ARMC3: variants seen among roughly 807,000 people sequenced by gnomAD.
ARMC3 encodes armadillo repeat containing 3.
A neutral mutation model predicts 90.3 loss-of-function variants in ARMC3; 74 were observed. The ratio of observed to expected loss-of-function variants is 0.82; its 90% CI spans 0.68 to 0.99. The LOEUF (loss-of-function observed/expected upper bound fraction) is 0.99. Ranked by LOEUF, ARMC3 falls within the 50% of genes least tolerant of loss-of-function variation. ARMC3 has a pLI of 0.00. For missense variants in ARMC3, 958 were observed against 1,042.8 expected (o/e 0.92, Z 1.12); for synonymous variants, 334 against 361.8 (o/e 0.92, Z 0.87).
intron 14 of ARMC3, 55 bp from the exon 15 acceptor site, chr10:23,008,221 A>T: frequency 1.1e-6 from 1 of 918,734 alleles, no homozygotes; most frequent in Non-Finnish European, 1.6e-6. Context: ...GAATAAAACC[A>T]TCTGTTGACA....
intron 11 of ARMC3, 137 bp downstream of exon 11, chr10:22,998,534 T>C (rs1837122574): frequency 8.5e-7 from 1 of 1,173,758 alleles, no homozygotes; most frequent in Non-Finnish European, 1.2e-6. Context: ...GGAAAACGAA[T>C]TGGCATTGTC....
intron 3 of ARMC3, among the ~76,000 whole-genome samples, chr10:22,952,793 T>G (rs12251470): frequency 0.032 from 4,931 of 152,248 alleles, 260 homozygotes; most frequent in African/African-American, 0.11. Context: ...GTTAGCAAAT[T>G]AAATTCAACA....
At chr10:22,985,900 C>A (rs186489992) in intron 10 of ARMC3, among the ~76,000 whole-genome samples, 1 of 152,288 alleles carries the variant, frequency 6.6e-6, no homozygotes, top group East Asian at 1.9e-4. Flanking sequence ...CTCTCCCTCA[C>A]CCCGTTTACA....
At chr10:22,995,169 T>C (rs1438373038) in intron 10 of ARMC3, among the ~76,000 whole-genome samples, 1 of 152,124 alleles carries the variant, frequency 6.6e-6, no homozygotes, top group Non-Finnish European at 1.5e-5. Flanking sequence ...CAGGGAAAAA[T>C]ACAACAGAAT....
Position 22,946,262 on chromosome 10 carries a change from G to A in ARMC3, c.166+1G>A. On this transcript the variant is annotated splice_donor_variant, in intron 3 of 18. Transcript: ENST00000298032. LOFTEE classifies it high-confidence loss of function. ...GCCATTTATAAATTTGCTTTAAAAG[G>A]TTTGGATTTTTTTCAGTTTATCTTT... is the stretch of plus-strand genomic sequence containing the variant. 6.3e-7 allele frequency: 1 copy of A among 1,575,620 alleles called. No individual in the cohort carries two copies. Among genetic ancestry groups the A allele is most frequent in the Non-Finnish European group, 8.7e-7 (1 of 1,150,864 alleles).
At chr10:22,946,038 T>C in intron 2 of ARMC3, 106 bp from the exon 3 acceptor site, 2 of 774,142 alleles carry the variant, frequency 2.6e-6, no homozygotes, top group East Asian at 5.3e-5. Flanking sequence ...AGTGACCACA[T>C]CCTTTTTGCA....
chr10:22,937,228 G>A (rs1268282331), intron 2 of ARMC3, among the ~76,000 whole-genome samples: 3 of 152,026 alleles, frequency 2.0e-5, no homozygotes, highest in African/African-American at 4.8e-5. Flanking sequence ...AATTATTATA[G>A]ATTCACACTT....
chr10:22,998,160 A>T lies in ARMC3; in HGVS notation c.1188A>T (p.Glu396Asp). The T allele has an allele frequency of 6.2e-7, 1 of 1,613,930 alleles. No homozygotes were observed. The highest frequency in any genetic ancestry group is 8.5e-7 in the Non-Finnish European group (1 of 1,179,934). ...CNPANANAAAEADGIDPLINL... is the reference protein window; with the variant it reads ...CNPANANAAADADGIDPLINL... ...TTCATTTACTCAGCGCTGCTGCTGA[A>T]GCTGATGGTATTGATCCATTAATAA... is the stretch of plus-strand genomic sequence containing the variant. The change falls in exon 11 of 19, where the codon GAA becomes GAT. Residue 396 changes from glutamate to aspartate, a missense_variant. Physicochemically the swap from Glu to Asp is conservative, Grantham distance 45. Transcript: ENST00000298032.
At chr10:22,980,147 GA>G (rs1312435379) in intron 8 of ARMC3, among the ~76,000 whole-genome samples, 2 of 152,062 alleles carry the variant, frequency 1.3e-5, no homozygotes, top group Non-Finnish European at 2.9e-5. Flanking sequence ...TATAAGTAAT[GA>G]ATGAGTTCCA....
intron 13 of ARMC3, 147 bp downstream of exon 13, chr10:23,003,561 CT>C: frequency 1.3e-6 from 1 of 741,946 alleles, no homozygotes; most frequent in Non-Finnish European, 2.0e-6. Flanking sequence ...TCATTCTTAA[CT>C]TTAGTTATAA....
intron 16 of ARMC3, among the ~76,000 whole-genome samples, chr10:23,028,920 T>C (rs892219852): frequency 6.6e-6 from 1 of 152,220 alleles, no homozygotes; most frequent in African/African-American, 2.4e-5. Context: ...TTTTTCTGAT[T>C]CTTTGGGGAC....
intron 16 of ARMC3, chr10:23,014,568 C>T (rs774251514): frequency 8.8e-5 from 77 of 870,438 alleles, no homozygotes; most frequent in East Asian, 1.1e-4. Context: ...CATCAATGAT[C>T]GACTGGATAA....
rs12260043 is a variant in ARMC3 at position 23,037,866 on chromosome 10, T to C, written c.*387T>C. On this transcript the variant is annotated 3_prime_UTR_variant, in exon 19 of 19. Coordinates refer to ENST00000298032, the MANE Select transcript of ARMC3 (RefSeq NM_173081.5). ...TTTCATGCCCAGAATGCTTCAGGCA[T>C]GCTCAGTTAAGCAAACTAAGTGAAT... 0.039 allele frequency: 6,345 copies of C among 162,634 alleles called. 428 individuals are homozygous for C. The highest frequency in any genetic ancestry group is 0.14 in the African/African-American group (6,073 of 41,990). The allele number at this position is 162,634 out of a possible 1,614,324, so 10.1% of individuals were successfully genotyped here.
At chr10:22,959,170 A>G in intron 5 of ARMC3, 32 bp downstream of exon 5, 1 of 1,567,396 alleles carries the variant, frequency 6.4e-7, no homozygotes, top group Non-Finnish European at 8.8e-7. Flanking sequence ...GTTTTAAAAA[A>G]TGGAACTGGT....
rs202133072 is a variant in ARMC3, at chr10:23,008,940, G to A, written c.2045+9G>A. The A allele has an allele frequency of 1.9e-6, 3 of 1,608,918 alleles. No individual in the cohort carries two copies. The highest frequency in any genetic ancestry group is 1.3e-5 in the African/African-American group (1 of 74,930). ...AAAGAAAAAGGATGGAGGTAAGAAA[G>A]TGTCCTGAGTTCCTCATTACCCAGC... is the stretch of plus-strand genomic sequence containing the variant. On this transcript the variant is annotated intron_variant, in intron 16 of 18. Transcript: ENST00000298032.
intron 7 of ARMC3, among the ~76,000 whole-genome samples, chr10:22,966,577 T>C (rs1348895717): frequency 6.6e-6 from 1 of 152,218 alleles, no homozygotes; most frequent in Non-Finnish European, 1.5e-5. Flanking sequence ...GCATGTATAT[T>C]GTACATGTGC....
intron 16 of ARMC3, among the ~76,000 whole-genome samples, chr10:23,022,230 T>C (rs181782835): frequency 6.6e-6 from 1 of 152,346 alleles, no homozygotes; most frequent in Admixed American, 6.5e-5. Context: ...ATGTGAGGCT[T>C]ATGTGGAAAT....
At chr10:23,009,522 C>T (rs1037452660) in intron 16 of ARMC3, among the ~76,000 whole-genome samples, 1 of 152,108 alleles carries the variant, frequency 6.6e-6, no homozygotes, top group Non-Finnish European at 1.5e-5. Flanking sequence ...GGCAGAGTCT[C>T]GCTCTGTCGC....
chr10:22,941,305 A>C (rs1834320510), intron 2 of ARMC3, among the ~76,000 whole-genome samples: 1 of 152,196 alleles, frequency 6.6e-6, no homozygotes, highest in Admixed American at 6.5e-5. Flanking sequence ...TTAAAATTCT[A>C]TACAGATGTA....
Sources: allele counts gnomAD v4.1 joint callset (sites outside exome capture counted in the v4.1 genomes callset), GRCh38; gene constraint gnomAD v4.1.1; transcripts MANE v1.5; gene names NCBI Gene and HGNC (gene_info 2026-07-23, HGNC 2026-07-21).